The following EPYC variants were observed in gnomAD, a reference collection of about 807,000 sequenced individuals.
EPYC encodes dermatan sulfate proteoglycan 3.
Under a neutral mutation model 30.1 loss-of-function variants are expected in EPYC, and 28 were observed. That is an observed-to-expected ratio of 0.93 (90% CI 0.69 to 1.28). EPYC has a LOEUF of 1.28. EPYC is among the 50% of genes most tolerant of loss of function. EPYC has a pLI of 0.00. For missense variants in EPYC, 382 were observed against 383.5 expected, an observed-to-expected ratio of 1.00 and a Z score of 0.03; for synonymous variants, 144 against 141.4, an observed-to-expected ratio of 1.02 and a Z score of -0.13.
intron 2 of EPYC, among the ~76,000 whole-genome samples, chr12:90,995,731 A>G (rs969037981): frequency 6.6e-6 from 1 of 151,920 alleles, no homozygotes; most frequent in African/African-American, 2.4e-5. Flanking sequence ...ATGAGCCTAC[A>G]TGATTGTATA....
At chr12:90,977,488 A>G (rs1329793141) in intron 3 of EPYC, among the ~76,000 whole-genome samples, 2 of 152,272 alleles carry the variant, frequency 1.3e-5, no homozygotes, top group East Asian at 1.9e-4. Context: ...ATAAATAAAC[A>G]GCCAAGAATC....
At chr12:90,974,034 ACACT>A (rs1241801374) in intron 3 of EPYC, among the ~76,000 whole-genome samples, 1,382 of 96,050 alleles carry the variant, frequency 0.014, 19 homozygotes, top group African/African-American at 0.051. Flanking sequence ...TGTCTTACAC[ACACT>A]CACACACACA....
At chr12:90,995,731 A>T (rs969037981) in intron 2 of EPYC, among the ~76,000 whole-genome samples, 1 of 151,920 alleles carries the variant, frequency 6.6e-6, no homozygotes, top group Admixed American at 6.6e-5. Context: ...ATGAGCCTAC[A>T]TGATTGTATA....
chr12:90,970,180 T>C (rs775646941), intron 5 of EPYC, 41 bp from the exon 6 acceptor site: 1 of 1,394,772 alleles, frequency 7.2e-7, no homozygotes, highest in East Asian at 2.3e-5. Context: ...AAAAACTCAA[T>C]AAAAACTCAA....
rs757982472 is a variant in EPYC at position 91,002,383 on chromosome 12, A to G, written c.165+18T>C. The G allele has an allele frequency of 6.2e-7, 1 of 1,606,560 alleles. No homozygotes were observed. The highest frequency in any genetic ancestry group is 1.3e-5 in the African/African-American group (1 of 74,458). ...ATCCTATGCTTTTTAAAGTTTCAAG[A>G]GTAGGAGGATCGATTACCTCAACTT... On this transcript the variant is annotated intron_variant, in intron 2 of 6. Coordinates refer to ENST00000261172, the MANE Select transcript of EPYC (RefSeq NM_004950.5).
intron 6 of EPYC, among the ~76,000 whole-genome samples, chr12:90,967,137 T>C (rs10859085): frequency 0.72 from 108,991 of 151,390 alleles, 41,140 homozygotes; most frequent in Non-Finnish European, 0.83. Context: ...TTATTTCTAT[T>C]CTGCTTGCTT....
chr12:90,991,826 A>T (rs939652034), intron 2 of EPYC, among the ~76,000 whole-genome samples: 2 of 152,186 alleles, frequency 1.3e-5, no homozygotes, highest in African/African-American at 4.8e-5. Flanking sequence ...CAAGGTTGAG[A>T]ATCACTGCAC....
chr12:90,994,451 G>T (rs923348943), intron 2 of EPYC, among the ~76,000 whole-genome samples: 1 of 152,132 alleles, frequency 6.6e-6, no homozygotes, highest in Non-Finnish European at 1.5e-5. Flanking sequence ...CTTGCCCAAG[G>T]TTATACAGTT....
intron 2 of EPYC, among the ~76,000 whole-genome samples, chr12:90,984,181 G>A (rs1877393332): frequency 6.6e-6 from 1 of 152,118 alleles, no homozygotes; most frequent in Non-Finnish European, 1.5e-5. Context: ...AGATTTTTGA[G>A]AATGCATTGG....
chr12:90,999,551 T>C (rs2120870300), intron 2 of EPYC, among the ~76,000 whole-genome samples: 1 of 152,238 alleles, frequency 6.6e-6, no homozygotes, highest in Non-Finnish European at 1.5e-5. Context: ...CCATGGATTT[T>C]TTTCTTTAAC....
At chr12:90,990,411 G>A (rs1165501482) in intron 2 of EPYC, among the ~76,000 whole-genome samples, 1 of 152,086 alleles carries the variant, frequency 6.6e-6, no homozygotes. Flanking sequence ...ATATCCCAGA[G>A]AGGACCAGGT....
At chr12:90,987,205 A>G (rs1481415406) in intron 2 of EPYC, among the ~76,000 whole-genome samples, 8 of 152,150 alleles carry the variant, frequency 5.3e-5, no homozygotes, top group Admixed American at 4.6e-4. Context: ...CAGCATAACC[A>G]TAAACCACAA....
intron 2 of EPYC, among the ~76,000 whole-genome samples, chr12:90,999,023 A>G (rs556324873): frequency 3.4e-4 from 52 of 152,140 alleles, no homozygotes; most frequent in Non-Finnish European, 4.1e-4. Flanking sequence ...CACACAGTTC[A>G]CTTTGCTTTG....
intron 2 of EPYC, among the ~76,000 whole-genome samples, chr12:90,987,885 C>A (rs1462737330): frequency 2.0e-5 from 3 of 152,078 alleles, no homozygotes; most frequent in Non-Finnish European, 4.4e-5. Flanking sequence ...CTAGGTTTCT[C>A]TTTTCTTTCT....
intron 2 of EPYC, among the ~76,000 whole-genome samples, chr12:90,994,481 T>C (rs1405485757): frequency 6.6e-6 from 1 of 152,154 alleles, no homozygotes; most frequent in East Asian, 1.9e-4. Flanking sequence ...GACCTGGCAC[T>C]TACATCTAGA....
chr12:90,989,771 T>G (rs1877540295), intron 2 of EPYC, among the ~76,000 whole-genome samples: 1 of 152,096 alleles, frequency 6.6e-6, no homozygotes, highest in Admixed American at 6.5e-5. Flanking sequence ...CCATTTTTAG[T>G]CACCAGAAAG....
At position 90,964,130 on chromosome 12, in the gene EPYC, AT is replaced by A. The variant is rs1285776022; in HGVS notation, c.*25del. 1 of 1,591,032 alleles carries A rather than the reference AT, an allele frequency of 6.3e-7. No individual in the cohort carries two copies. Among genetic ancestry groups the A allele is most frequent in the Non-Finnish European group, 8.6e-7 (1 of 1,163,690 alleles). On this transcript the variant is annotated 3_prime_UTR_variant, in exon 7 of 7. Transcript: ENST00000261172. The stretch of plus-strand genomic sequence containing the variant: ...TAAGAATGGTTTATTTATAGTAGCC[AT>A]CGTAATGCTAACCATTATCTGAAAT...
At chr12:90,974,074 C>CT (rs1877124285) in intron 3 of EPYC, among the ~76,000 whole-genome samples, 1 of 77,758 alleles carries the variant, frequency 1.3e-5, no homozygotes, top group African/African-American at 3.3e-5. Flanking sequence ...ACACACACAC[C>CT]CCTACCTCTC....
rs538131017 is a variant in EPYC, at chr12:90,970,514, A to G, written c.703-375T>C. ...ATGAGGCATAGCAAGCATTTCCTTT[A>G]TTTTATAGGCATGGAAACAAAGAGT... On this transcript the variant is annotated intron_variant, in intron 5 of 6. Coordinates refer to ENST00000261172, the MANE Select transcript of EPYC (RefSeq NM_004950.5). Among the ~76,000 whole-genome samples, 31 of 152,252 alleles carry G rather than the reference A, an allele frequency of 2.0e-4. No individual in the cohort carries two copies. The South Asian group carries it at 5.0e-3, about 24-fold the overall frequency.
Sources: allele counts gnomAD v4.1 joint callset (sites outside exome capture counted in the v4.1 genomes callset), GRCh38; gene constraint gnomAD v4.1.1; transcripts MANE v1.5; gene names NCBI Gene and HGNC (gene_info 2026-07-23, HGNC 2026-07-21).